Variants in AHSG observed in about 807,000 individuals in gnomAD.
AHSG encodes alpha 2-HS glycoprotein, also known as alpha-2-HS-glycoprotein.
AHSG carries 23 observed loss-of-function variants against 30.1 expected under a neutral mutation model. The ratio of observed to expected loss-of-function variants is 0.76; its 90% CI spans 0.55 to 1.08. The LOEUF (loss-of-function observed/expected upper bound fraction) is 1.08, where lower values mean the gene tolerates loss of function less well. Among genes scored for constraint, AHSG ranks in the 50% least tolerant of loss-of-function variants. The pLI, the probability that AHSG is intolerant of heterozygous loss-of-function variation, is 0.00. For missense variants in AHSG, 469 were observed against 459.5 expected (o/e 1.02, Z -0.19); for synonymous variants, 164 against 186.3 (o/e 0.88, Z 0.98).
Position 186,615,636 on chromosome 3 carries a change from C to T in AHSG, c.214-49C>T, listed in dbSNP as rs763337524. On this transcript the variant is annotated intron_variant, in intron 1 of 6. Transcript: ENST00000411641. ...AGGGCGCATACCGTGGACCGCACCA[C>T]AGGATCAGGGGAATAGGTTGCTCAC... 2.0e-6 allele frequency: 3 copies of T among 1,514,184 alleles called. No homozygotes were observed. The East Asian group carries it at 6.8e-5, about 34-fold the overall frequency. 93.8% of individuals were successfully genotyped at this position (1,514,184 alleles called of 1,614,324 possible). A position where few individuals can be genotyped will look rare whatever the true frequency, so the allele number is the denominator to read the frequency against.
intron 6 of AHSG, 96 bp from the exon 7 acceptor site, chr3:186,620,490 T>C (rs1244049804): frequency 3.0e-6 from 3 of 1,002,922 alleles, no homozygotes; most frequent in Non-Finnish European, 4.5e-6. Context: ...AAATGTATAA[T>C]GTGAGGAAAT....
rs536966827 is a variant in AHSG, at chr3:186,613,405, A to G, written c.213+51A>G. On this transcript the variant is annotated intron_variant, in intron 1 of 6. Coordinates refer to ENST00000411641, the MANE Select transcript of AHSG (RefSeq NM_001622.4). Reference sequence around the variant, plus strand: ...TGAAATAATGTGTACATGGAGCTCAATCAGGTGCCTCAAAAAATCACCATC... The same window carrying G: ...TGAAATAATGTGTACATGGAGCTCAGTCAGGTGCCTCAAAAAATCACCATC... 24 of 1,475,698 alleles carry G rather than the reference A, an allele frequency of 1.6e-5. No homozygotes were observed. In the African/African-American group the frequency reaches 2.0e-4, roughly 12 times the overall value. 91.4% of individuals were successfully genotyped at this position (1,475,698 alleles called of 1,614,324 possible).
At chr3:186,615,817 A>C (rs1560249006) in intron 2 of AHSG, 22 bp downstream of exon 2, 2 of 1,600,832 alleles carry the variant, frequency 1.2e-6, no homozygotes, top group Admixed American at 1.7e-5. Flanking sequence ...TCTTAGGATG[A>C]CTGTAGGTGG....
Position 186,620,713 on chromosome 3 carries a change from A to C in AHSG, c.887A>C (p.Asp296Ala). Residue 296 changes from aspartate to alanine, a missense_variant, in exon 7 of 7, where the codon GAC becomes GCC. Transcript: ENST00000411641. ...PGLPPAGSPP[D>A]SHVLLAAPPG... ...CTCCCTCCAGCTGGCTCACCCCCAG[A>C]CTCCCATGTGTTACTGGCAGCTCCT... 6.2e-7 allele frequency: 1 copy of C among 1,613,674 alleles called. No individual in the cohort carries two copies.
At chr3:186,618,204 G>C (rs1343233866) in intron 4 of AHSG, among the ~76,000 whole-genome samples, 1 of 152,104 alleles carries the variant, frequency 6.6e-6, no homozygotes, top group African/African-American at 2.4e-5. Context: ...GTGAGGGCTG[G>C]GGGGAGGCAG....
At chr3:186,613,891 TTG>T (rs370968053) in intron 1 of AHSG, among the ~76,000 whole-genome samples, 1 of 151,788 alleles carries the variant, frequency 6.6e-6, no homozygotes. Flanking sequence ...CAAGGCTCTG[TTG>T]TGTGTGTGTG....
Position 186,617,307 on chromosome 3 carries a change from G to T in AHSG, c.530G>T (p.Gly177Val). ...ALAAFNAQNN[G>V]SNFQLEEISR... Reference sequence around the variant, plus strand: ...GCCGCCTTCAACGCTCAGAACAACGGCTCCAATTTTCAGCTGGAGGAAATT... The same window carrying T: ...GCCGCCTTCAACGCTCAGAACAACGTCTCCAATTTTCAGCTGGAGGAAATT... Residue 177 changes from glycine (G) to valine (V), a missense_variant, in exon 4 of 7, where the codon GGC (glycine) becomes GTC (valine). By Grantham distance (109) the Gly-to-Val change is moderately radical. Coordinates refer to ENST00000411641, the MANE Select transcript of AHSG (RefSeq NM_001622.4). 6.2e-7 allele frequency: 1 copy of T among 1,614,184 alleles called. No homozygotes were observed. The highest frequency in any genetic ancestry group is 8.5e-7 in the Non-Finnish European group (1 of 1,180,040).
chr3:186,617,259 T>C lies in AHSG; in HGVS notation c.482T>C (p.Val161Ala), dbSNP rs774170601. Residue 161 changes from valine to alanine, a missense_variant, in exon 4 of 7, where the codon GTG (valine) becomes GCG (alanine). Physicochemically the swap from Val to Ala is moderately conservative, Grantham distance 64. Transcript: ENST00000411641. ...LLAPLNDTRV[V>A]HAAKAALAAF... ...GCCCCGCTGAACGACACCAGGGTGG[T>C]GCACGCCGCGAAAGCTGCCCTGGCC... 1 of 1,614,010 alleles carries C rather than the reference T, an allele frequency of 6.2e-7. No homozygotes were observed. Among genetic ancestry groups the C allele is most frequent in the Non-Finnish European group, 8.5e-7 (1 of 1,180,024 alleles).
rs551743520 is a variant in AHSG at position 186,613,295 on chromosome 3, C to T, written c.154C>T (p.Leu52Phe). ...LVAIDYINQN[L>F]PWGYKHTLNQ... ...GGCTATAGACTACATCAATCAAAAC[C>T]TTCCTTGGGGATACAAACACACCTT... The change falls in exon 1 of 7, where the codon CTT becomes TTT. Residue 52 changes from leucine (L) to phenylalanine (F), a missense_variant. Leu to Phe is a conservative substitution (Grantham distance 22). Transcript: ENST00000411641. 9 of 1,614,176 alleles carry T rather than the reference C, an allele frequency of 5.6e-6. No homozygotes were observed. In the African/African-American group the frequency reaches 1.1e-4, roughly 19 times the overall value.
At position 186,620,888 on chromosome 3, in the gene AHSG, G is replaced by A. The variant is rs965500138; in HGVS notation, c.1062G>A (p.Val354=). 6.2e-7 allele frequency: 1 copy of A among 1,614,090 alleles called. No homozygotes were observed. Among genetic ancestry groups the A allele is most frequent in the Non-Finnish European group, 8.5e-7 (1 of 1,180,006 alleles). Residue 354 remains valine, a synonymous_variant, in exon 7 of 7, where the codon GTG becomes GTA. Coordinates refer to ENST00000411641, the MANE Select transcript of AHSG (RefSeq NM_001622.4). The part of the protein sequence containing the change: ...QPSVGAAAGP[V]VPPCPGRIRH... ...GTGTTGGTGCTGCTGCTGGGCCAGT[G>A]GTTCCTCCATGTCCGGGGAGGATCA...
At chr3:186,617,552 C>G in intron 4 of AHSG, 1 of 965,056 alleles carries the variant, frequency 1.0e-6, no homozygotes. Flanking sequence ...ACACCCTCAG[C>G]GCCTCCCCCA....
At position 186,618,529 on chromosome 3, in the gene AHSG, T is replaced by G. The variant is rs1166178926; in HGVS notation, c.574-7T>G. 2 of 1,612,932 alleles carry G rather than the reference T, an allele frequency of 1.2e-6. No individual in the cohort carries two copies. Among genetic ancestry groups the G allele is most frequent in the Non-Finnish European group, 1.7e-6 (2 of 1,179,140 alleles). ...TCCTCAAGAGCATTTTCATGTACTC[T>G]TCTCAGCCCCTCCCACCTTCTACCT... On this transcript the variant is annotated splice_region_variant and splice_polypyrimidine_tract_variant and intron_variant, in intron 4 of 6. Coordinates refer to ENST00000411641, the MANE Select transcript of AHSG (RefSeq NM_001622.4).
intron 1 of AHSG, 56 bp downstream of exon 1, chr3:186,613,410 G>T: frequency 1.4e-6 from 2 of 1,468,930 alleles, no homozygotes; most frequent in Non-Finnish European, 1.8e-6. Context: ...GCTCAATCAG[G>T]TGCCTCAAAA....
In AHSG at chr3:186,619,927, T is replaced by C. The variant is rs749520427; in HGVS notation, c.746T>C (p.Val249Ala). ...GGAEVAVTCM[V>A]FQTQPVSSQP... The stretch of plus-strand genomic sequence containing the variant: ...GCAGAGGTTGCAGTGACCTGCATGG[T>C]GTTCCAAACACAGGTAACAGCTCCG... Residue 249 changes from valine (V) to alanine (A), a missense_variant, in exon 6 of 7, where the codon GTG becomes GCG. Val to Ala is a moderately conservative substitution (Grantham distance 64, BLOSUM62 0). Coordinates refer to ENST00000411641, the MANE Select transcript of AHSG (RefSeq NM_001622.4). 2.5e-6 allele frequency: 4 copies of C among 1,611,088 alleles called. No homozygotes were observed. The highest frequency in any genetic ancestry group is 1.7e-5 in the Admixed American group (1 of 59,120).
rs1716284753 is a variant in AHSG, at chr3:186,615,803, C to T, written c.324+8C>T. 4 of 1,611,256 alleles carry T rather than the reference C, an allele frequency of 2.5e-6. No individual in the cohort carries two copies. The highest frequency in any genetic ancestry group is 1.7e-4 in the Middle Eastern group (1 of 6,058). On this transcript the variant is annotated splice_region_variant and intron_variant, in intron 2 of 6. Transcript: ENST00000411641. Reference sequence around the variant, plus strand: ...AGGCAGCTGAAGGAGCATGTGAGTACCCTTCTTAGGATGACTGTAGGTGGC... The same window carrying T: ...AGGCAGCTGAAGGAGCATGTGAGTATCCTTCTTAGGATGACTGTAGGTGGC...
In AHSG at chr3:186,619,903, C is replaced by A; in HGVS notation, c.722C>A (p.Ala241Glu). Residue 241 changes from alanine (A) to glutamate (E), a missense_variant, in exon 6 of 7, where the codon GCA (alanine) becomes GAA (glutamate). By Grantham distance (107) the Ala-to-Glu change is moderately radical (BLOSUM62 -1). Coordinates refer to ENST00000411641, the MANE Select transcript of AHSG (RefSeq NM_001622.4). ...KATLSEKLGG[A>E]EVAVTCMVFQ... is the part of the protein sequence containing the mutation. ...ACACTCAGTGAGAAGCTTGGTGGGG[C>A]AGAGGTTGCAGTGACCTGCATGGTG... is the stretch of plus-strand genomic sequence containing the variant. The A allele has an allele frequency of 6.2e-7, 1 of 1,613,514 alleles. No homozygotes were observed. Among genetic ancestry groups the A allele is most frequent in the Non-Finnish European group, 8.5e-7 (1 of 1,179,850 alleles).
intron 4 of AHSG, chr3:186,617,575 G>C: frequency 1.3e-6 from 1 of 770,954 alleles, no homozygotes; most frequent in South Asian, 1.7e-5. Context: ...CTGAGCCACT[G>C]TAACGTCCAG....
At chr3:186,619,304 A>G (rs1182442954) in intron 5 of AHSG, among the ~76,000 whole-genome samples, 1 of 152,168 alleles carries the variant, frequency 6.6e-6, no homozygotes, top group Non-Finnish European at 1.5e-5. Context: ...CTCAAGAAAA[A>G]AAGAAAAAGA....
chr3:186,613,434 C>A, intron 1 of AHSG, 80 bp downstream of exon 1: 1 of 1,295,310 alleles, frequency 7.7e-7, no homozygotes, highest in Non-Finnish European at 1.1e-6. Context: ...CACCATCACC[C>A]AGTGCAAATG....
Sources: allele counts gnomAD v4.1 joint callset (sites outside exome capture counted in the v4.1 genomes callset), GRCh38; gene constraint gnomAD v4.1.1; transcripts MANE v1.5; gene names NCBI Gene and HGNC (gene_info 2026-07-23, HGNC 2026-07-21).